Variants in DRD2 observed in about 807,000 individuals in gnomAD.
DRD2 encodes dopamine receptor D2.
DRD2 carries 8 observed loss-of-function variants against 38.0 expected under a neutral mutation model. The ratio of observed to expected loss-of-function variants is 0.21; its 90% confidence interval spans 0.12 to 0.38. The LOEUF is 0.38. Ranked by LOEUF, DRD2 falls within the 10% of genes least tolerant of loss-of-function variation. The pLI is 1.00. For synonymous variants in DRD2, 230 were observed against 238.6 expected (o/e 0.96, Z 0.33); for missense variants, 403 against 607.7 (o/e 0.66, Z 3.54).
In DRD2 at chr11:113,410,163, G is replaced by A. The variant is rs199516692; in HGVS notation, c.*564C>T. The A allele has an allele frequency of 2.1e-5, 4 of 189,498 alleles. No individual in the cohort carries two copies. Among genetic ancestry groups the A allele is most frequent in the Non-Finnish European group, 4.4e-5 (4 of 90,328 alleles). 11.7% of individuals were successfully genotyped at this position (189,498 alleles called of 1,614,324 possible). ...AAAGTAGAGGTCCACATCGGGGTGC[G>A]GGAGGGAGCTAAGGTTTTTGGCTTG... On this transcript the variant is annotated 3_prime_UTR_variant, in exon 8 of 8. Coordinates refer to ENST00000362072, the MANE Select transcript of DRD2 (RefSeq NM_000795.4).
At chr11:113,421,318 T>C (rs1457644165) in intron 2 of DRD2, among the ~76,000 whole-genome samples, 1 of 152,200 alleles carries the variant, frequency 6.6e-6, no homozygotes, top group Non-Finnish European at 1.5e-5. Context: ...TGTCAACCTC[T>C]GCATCCCCAG....
At chr11:113,466,633 T>TG (rs147130459) in intron 1 of DRD2, among the ~76,000 whole-genome samples, 2,704 of 152,228 alleles carry the variant, frequency 0.018, 87 homozygotes, top group African/African-American at 0.061. Flanking sequence ...ATACCTCTAG[T>TG]GGGGGATGCC....
intron 1 of DRD2, among the ~76,000 whole-genome samples, chr11:113,449,558 C>T (rs1353866494): frequency 6.6e-6 from 1 of 152,076 alleles, no homozygotes; most frequent in African/African-American, 2.4e-5. Context: ...ATGCTGCTTC[C>T]CCCTGAGCAC....
At position 113,414,355 on chromosome 11, in the gene DRD2, T is replaced by C. The variant is rs200084024; in HGVS notation, c.810+20A>G. The C allele has an allele frequency of 2.0e-4, 328 of 1,606,948 alleles. 1 individual carries two copies. The highest frequency in any genetic ancestry group is 5.0e-4 in the Middle Eastern group (3 of 6,054). On this transcript the variant is annotated intron_variant, in intron 6 of 7. Transcript: ENST00000362072. ...AGGGGCAGAAAGACCTGGCTCTGGGTCCCTGGCCTGAGCACTTACCACTCT... is the reference window on the plus strand; with the variant it reads ...AGGGGCAGAAAGACCTGGCTCTGGGCCCCTGGCCTGAGCACTTACCACTCT...
intron 1 of DRD2, among the ~76,000 whole-genome samples, chr11:113,439,571 A>T (rs1180280865): frequency 1.3e-5 from 2 of 152,022 alleles, no homozygotes; most frequent in Non-Finnish European, 2.9e-5. Flanking sequence ...TGGGCATGGT[A>T]GCTCACACCT....
intron 1 of DRD2, among the ~76,000 whole-genome samples, chr11:113,451,090 C>A (rs765399559): frequency 1.3e-5 from 2 of 152,186 alleles, no homozygotes; most frequent in Admixed American, 1.3e-4. Flanking sequence ...AGTTACCTCT[C>A]TGGTTCCAGA....
chr11:113,422,964 C>T (rs943591302), intron 2 of DRD2, among the ~76,000 whole-genome samples: 3 of 152,198 alleles, frequency 2.0e-5, no homozygotes, highest in South Asian at 2.1e-4. Context: ...AGGAAGGTAA[C>T]GGTTCAGTGG....
Position 113,410,731 on chromosome 11 carries a change from C to T in DRD2, c.1328G>A (p.Cys443Tyr). 6.2e-7 allele frequency: 1 copy of T among 1,614,164 alleles called. No homozygotes were observed. The highest frequency in any genetic ancestry group is 8.5e-7 in the Non-Finnish European group (1 of 1,180,030). The change falls in exon 8 of 8, where the codon TGC becomes TAC. Residue 443 changes from cysteine to tyrosine, a missense_variant. Physicochemically the swap from Cys to Tyr is radical, Grantham distance 194. Around this residue, in one of 4 missense-constraint regions of DRD2, gnomAD observed 67 missense variants for 136.1 expected, o/e 0.49. Transcript: ENST00000362072. ...FRKAFLKILH[C>Y] ...CTGTGCGGGCAGGCAGCAGAGTCAG[C>T]AGTGGAGGATCTTCAGGAAGGCCTT...
rs528308004 is a variant in DRD2, at chr11:113,452,478, G to A, written c.-32+22598C>T. Among the ~76,000 whole-genome samples, 151 of 63,420 alleles carry A rather than the reference G, an allele frequency of 2.4e-3. 2 individuals are homozygous for A. The highest frequency in any genetic ancestry group is 6.1e-3 in the African/African-American group (139 of 22,696). 41.6% of individuals were successfully genotyped at this position (63,420 alleles called of 152,430 possible). Reference sequence around the variant, plus strand: ...TGTGTGTGTGTGTGTGTGCGCGCGCGCGCGCGCGCACATTGGGGGACAGGA... The same window carrying A: ...TGTGTGTGTGTGTGTGTGCGCGCGCACGCGCGCGCACATTGGGGGACAGGA... On this transcript the variant is annotated intron_variant, in intron 1 of 7. Coordinates refer to ENST00000362072, the MANE Select transcript of DRD2 (RefSeq NM_000795.4).
Position 113,415,585 on chromosome 11 carries a change from G to A in DRD2, c.559C>T (p.Pro187Ser). 1 of 1,614,012 alleles carries A rather than the reference G, an allele frequency of 6.2e-7. No homozygotes were observed. The highest frequency in any genetic ancestry group is 8.5e-7 in the Non-Finnish European group (1 of 1,179,936). ...ATGGAGGAGTAGACCACGAAGGCCG[G>A]GTTGGCAATGATGCACTCGTTCTGG... is the stretch of plus-strand genomic sequence containing the variant. ...ADQNECIIAN[P>S]AFVVYSSIVS... The change falls in exon 5 of 8, where the codon CCG (proline) becomes TCG (serine). Residue 187 changes from proline (P) to serine (S), a missense_variant. By Grantham distance (74) the Pro-to-Ser change is moderately conservative. Coordinates refer to ENST00000362072, the MANE Select transcript of DRD2 (RefSeq NM_000795.4).
chr11:113,418,163 G>C, intron 2 of DRD2, 27 bp from the exon 3 acceptor site: 1 of 1,582,752 alleles, frequency 6.3e-7, no homozygotes, highest in East Asian at 2.2e-5. Context: ...ATAATGGATG[G>C]ACAGCAGGAG....
intron 1 of DRD2, among the ~76,000 whole-genome samples, chr11:113,456,245 T>C (rs1951267364): frequency 6.6e-6 from 1 of 152,206 alleles, no homozygotes; most frequent in South Asian, 2.1e-4. Flanking sequence ...TTTGAACTCA[T>C]AGAAGTAGAA....
chr11:113,413,314 G>T (rs1268602062), intron 6 of DRD2: 1 of 536,366 alleles, frequency 1.9e-6, no homozygotes, highest in East Asian at 5.1e-5. Flanking sequence ...AAGGGGCCCA[G>T]TGCTCCCACT....
At chr11:113,429,403 T>C (rs909220648) in intron 1 of DRD2, among the ~76,000 whole-genome samples, 1 of 152,072 alleles carries the variant, frequency 6.6e-6, no homozygotes, top group Non-Finnish European at 1.5e-5. Context: ...CGCCACCATG[T>C]CCAGCTAATT....
chr11:113,435,431 G>C (rs183197915), intron 1 of DRD2, among the ~76,000 whole-genome samples: 2 of 152,014 alleles, frequency 1.3e-5, no homozygotes, highest in Admixed American at 6.6e-5. Flanking sequence ...TCACCGCTCC[G>C]ATACTGTGTG....
At chr11:113,457,761 A>C (rs1164568980) in intron 1 of DRD2, among the ~76,000 whole-genome samples, 1 of 152,248 alleles carries the variant, frequency 6.6e-6, no homozygotes, top group Non-Finnish European at 1.5e-5. Context: ...GGGCTGTCCG[A>C]GTGGCAGCTC....
At chr11:113,449,270 C>G (rs1415447008) in intron 1 of DRD2, among the ~76,000 whole-genome samples, 1 of 152,198 alleles carries the variant, frequency 6.6e-6, no homozygotes, top group Non-Finnish European at 1.5e-5. Flanking sequence ...CCTGAACCCT[C>G]TGAGCTCATC....
At chr11:113,451,322 G>A (rs1165890212) in intron 1 of DRD2, among the ~76,000 whole-genome samples, 1 of 152,132 alleles carries the variant, frequency 6.6e-6, no homozygotes, top group Non-Finnish European at 1.5e-5. Flanking sequence ...AGTTAGAAAA[G>A]ATGGTAACAT....
chr11:113,458,488 A>C (rs1951287890), intron 1 of DRD2, among the ~76,000 whole-genome samples: 2 of 152,226 alleles, frequency 1.3e-5, no homozygotes, highest in African/African-American at 4.8e-5. Context: ...TCACCCTGGC[A>C]CTGGCATGTG....
Sources: allele counts gnomAD v4.1 joint callset (sites outside exome capture counted in the v4.1 genomes callset), GRCh38; gene constraint gnomAD v4.1.1; regional missense constraint gnomAD v4.1.1; transcripts MANE v1.5; gene names NCBI Gene and HGNC (gene_info 2026-07-23, HGNC 2026-07-21).